Variants in MRPS15 observed in about 807,000 individuals in gnomAD.
MRPS15 encodes small ribosomal subunit protein uS15m.
A neutral mutation model predicts 30.7 loss-of-function variants in MRPS15; 25 were observed. The observed-to-expected ratio is 0.81, with a 90% CI of 0.59 to 1.14. The LOEUF is 1.14. Among genes scored for constraint, MRPS15 ranks in the 50% most tolerant of loss-of-function variants. MRPS15 has a pLI of 0.00. For synonymous variants in MRPS15, 124 were observed against 120.1 expected (o/e 1.03, Z -0.21); for missense variants, 313 against 321.7 (o/e 0.97, Z 0.21).
chr1:36,456,359 T>C lies in MRPS15; in HGVS notation c.464A>G (p.Tyr155Cys), dbSNP rs372913217. Residue 155 changes from tyrosine (Y) to cysteine (C), a missense_variant, in exon 7 of 8, where the codon TAT (tyrosine) becomes TGT (cysteine). By Grantham distance (194) the Tyr-to-Cys change is radical. Transcript: ENST00000373116. ...CCTCTGGTCAATGCTCATTAGCAGA[T>C]AGCGTTTGTGGGCTTTGTCCTGCAA... is the stretch of plus-strand genomic sequence containing the variant. ...KHRKDKAHKRYLLMSIDQRKK... is the reference protein window; with the variant it reads ...KHRKDKAHKRCLLMSIDQRKK... 6.8e-6 allele frequency: 11 copies of C among 1,610,778 alleles called. No individual in the cohort carries two copies. The South Asian group carries it at 7.7e-5, about 11-fold the overall frequency.
At chr1:36,463,948 G>A in intron 1 of MRPS15, 98 bp from the exon 2 acceptor site, 1 of 1,533,994 alleles carries the variant, frequency 6.5e-7, no homozygotes, top group Admixed American at 2.0e-5. Flanking sequence ...CACGGTCTAT[G>A]CGCTTCTGAA....
intron 5 of MRPS15, among the ~76,000 whole-genome samples, chr1:36,460,314 CTAT>C (rs1365186586): frequency 1.3e-5 from 2 of 152,130 alleles, no homozygotes; most frequent in Non-Finnish European, 2.9e-5. Context: ...CCTAGTCTTA[CTAT>C]TATTATCACA....
At chr1:36,462,200 T>A in intron 2 of MRPS15, 37 bp from the exon 3 acceptor site, 1 of 1,538,794 alleles carries the variant, frequency 6.5e-7, no homozygotes, top group Non-Finnish European at 8.9e-7. Flanking sequence ...ACACCCAGAG[T>A]CAACTCTCGC....
intron 2 of MRPS15, among the ~76,000 whole-genome samples, chr1:36,463,300 T>C (rs1650134606): frequency 6.6e-6 from 1 of 152,246 alleles, no homozygotes; most frequent in Non-Finnish European, 1.5e-5. Flanking sequence ...ACTATCAATA[T>C]ATTTAATTGA....
intron 1 of MRPS15, 142 bp downstream of exon 1, chr1:36,464,004 T>A (rs543130301): frequency 6.6e-7 from 1 of 1,504,276 alleles, no homozygotes; most frequent in South Asian, 1.3e-5. Flanking sequence ...CTCTCACATC[T>A]TGTTTCACCT....
intron 5 of MRPS15, chr1:36,459,320 A>G (rs1208315796): frequency 6.6e-6 from 1 of 151,134 alleles, no homozygotes; most frequent in African/African-American, 2.4e-5. Flanking sequence ...CTGGAGCCCC[A>G]GAAGTTGCGC....
intron 2 of MRPS15, among the ~76,000 whole-genome samples, chr1:36,462,995 C>T (rs999997899): frequency 1.1e-4 from 16 of 151,844 alleles, no homozygotes; most frequent in Admixed American, 2.0e-4. Flanking sequence ...GATGGAGTCT[C>T]GCTCTGTCAC....
chr1:36,464,123 C>G (rs776577189), intron 1 of MRPS15, 23 bp downstream of exon 1: 3 of 1,602,346 alleles, frequency 1.9e-6, no homozygotes, highest in Non-Finnish European at 2.6e-6. Flanking sequence ...CTACGCCCGC[C>G]GTCCCATTTC....
rs1650112056 is a variant in MRPS15 at position 36,462,163 on chromosome 1, G to T, written c.176C>A (p.Ala59Asp). The T allele has an allele frequency of 6.2e-7, 1 of 1,609,902 alleles. No homozygotes were observed. The highest frequency in any genetic ancestry group is 1.3e-5 in the African/African-American group (1 of 74,904). Residue 59 changes from alanine to aspartate, a missense_variant and splice_region_variant, in exon 3 of 8, where the codon GCC (alanine) becomes GAC (aspartate). Physicochemically the swap from Ala to Asp is moderately radical, Grantham distance 126. Coordinates refer to ENST00000373116, the MANE Select transcript of MRPS15 (RefSeq NM_031280.4). ...TGGGTCATCATCCAGCCTAGACTGG[G>T]CTGTCAAGTAAATATGGGGATAGAA... ...AARGYVVRKP[A>D]QSRLDDDPPP...
At position 36,461,285 on chromosome 1, in the gene MRPS15, C is replaced by A; in HGVS notation, c.279G>T (p.Leu93Phe). 1 of 1,614,200 alleles carries A rather than the reference C, an allele frequency of 6.2e-7. No homozygotes were observed. Among genetic ancestry groups the A allele is most frequent in the East Asian group, 2.2e-5 (1 of 44,884 alleles). The change falls in exon 4 of 8, where the codon TTG (leucine) becomes TTT (phenylalanine). Residue 93 changes from leucine to phenylalanine, a missense_variant. Transcript: ENST00000373116. ...EKVDDVVKRL[L>F]SLEMANKKEM... Reference sequence around the variant, plus strand: ...TCACCTTGTTGGCCATTTCCAAAGACAAGAGTCTTTTCACGACATCATCAA... The same window carrying A: ...TCACCTTGTTGGCCATTTCCAAAGAAAAGAGTCTTTTCACGACATCATCAA...
At chr1:36,463,107 C>T (rs1030398562) in intron 2 of MRPS15, among the ~76,000 whole-genome samples, 6 of 152,124 alleles carry the variant, frequency 3.9e-5, no homozygotes, top group Middle Eastern at 3.4e-3. Flanking sequence ...GGATTACAGG[C>T]GCGCGCTACC....
intron 1 of MRPS15, 148 bp from the exon 2 acceptor site, chr1:36,463,998 C>T: frequency 6.6e-7 from 1 of 1,505,130 alleles, no homozygotes; most frequent in Non-Finnish European, 9.0e-7. Context: ...CCTTGTCTCT[C>T]ACATCTTGTT....
In MRPS15 at chr1:36,464,189, C is replaced by T. The variant is rs1448673343; in HGVS notation, c.87G>A (p.Gly29=). The change falls in exon 1 of 8, where the codon GGG becomes GGA. Residue 29 remains glycine, a synonymous_variant. Transcript: ENST00000373116. ...ACTGGTTGAAAGGAAACTTGGCGCT[C>T]CCACCGCCCGGCAGCCCGGGTACTA... ...QVLVPGLPGG[G]SAKFPFNQWG... is the part of the protein sequence containing the mutation. The T allele has an allele frequency of 6.2e-7, 1 of 1,613,756 alleles. No individual in the cohort carries two copies. Among genetic ancestry groups the T allele is most frequent in the African/African-American group, 1.3e-5 (1 of 74,880 alleles).
rs761367604 is a variant in MRPS15 at position 36,460,759 on chromosome 1, GATT to G, written c.315_317del (p.Lys105_Ile106delinsAsn). 1.2e-6 allele frequency: 2 copies of G among 1,613,870 alleles called. No homozygotes were observed. Among genetic ancestry groups the G allele is most frequent in the Admixed American group, 1.7e-5 (1 of 59,994 alleles). On this transcript the variant is annotated inframe_deletion, in exon 5 of 8. Coordinates refer to ENST00000373116, the MANE Select transcript of MRPS15 (RefSeq NM_031280.4). The stretch of plus-strand genomic sequence containing the variant: ...TCTTCTTCATAAACTGTTCTTGCTT[GATT>G]TTTAGCATCTCCTTCTGTTGAAGAC...
At chr1:36,457,558 T>G (rs990585941) in intron 6 of MRPS15, among the ~76,000 whole-genome samples, 1 of 152,206 alleles carries the variant, frequency 6.6e-6, no homozygotes, top group African/African-American at 2.4e-5. Flanking sequence ...ATTTGTATGA[T>G]CTCCATCTTA....
At chr1:36,456,479 A>G in intron 6 of MRPS15, 101 bp from the exon 7 acceptor site, 1 of 1,124,272 alleles carries the variant, frequency 8.9e-7, no homozygotes, top group Non-Finnish European at 1.2e-6. Flanking sequence ...TTTCTCAGTA[A>G]TCTTATGCAA....
chr1:36,462,451 C>A lies in MRPS15; in HGVS notation c.176-288G>T, dbSNP rs1489140457. On this transcript the variant is annotated intron_variant, in intron 2 of 7. Transcript: ENST00000373116. ...TCTCAGATCCCCCACTAGGATGGGT[C>A]CTCCTGTGGATAGGACAGAGTTTGA... Among the ~76,000 whole-genome samples, 3 of 152,336 alleles carry A rather than the reference C, an allele frequency of 2.0e-5. No individual in the cohort carries two copies. The East Asian group carries it at 5.8e-4, about 29-fold the overall frequency.
chr1:36,456,429 C>CA, intron 6 of MRPS15, 51 bp from the exon 7 acceptor site: 2 of 1,426,098 alleles, frequency 1.4e-6, no homozygotes, highest in Non-Finnish European at 1.9e-6. Context: ...TACTGTTGTT[C>CA]ACAGTAACAA....
intron 6 of MRPS15, chr1:36,456,710 G>A (rs1172953002): frequency 1.0e-5 from 2 of 191,618 alleles, no homozygotes; most frequent in Non-Finnish European, 2.1e-5. Context: ...ACTGTCAGCT[G>A]GGGTAGAGAG....
Sources: allele counts gnomAD v4.1 joint callset (sites outside exome capture counted in the v4.1 genomes callset), GRCh38; gene constraint gnomAD v4.1.1; transcripts MANE v1.5; gene names NCBI Gene and HGNC (gene_info 2026-07-23, HGNC 2026-07-21).